Variants in TNFSF11 observed in about 807,000 individuals in gnomAD.
TNFSF11 encodes tumor necrosis factor ligand superfamily member 11.
Under a neutral mutation model 32.2 loss-of-function variants are expected in TNFSF11, and 12 were observed. The ratio of observed to expected loss-of-function variants is 0.37; its 90% CI spans 0.24 to 0.60. The LOEUF (loss-of-function observed/expected upper bound fraction) is 0.60, where lower values mean the gene tolerates loss of function less well. Ranked by LOEUF, TNFSF11 falls within the 20% of genes least tolerant of loss-of-function variation. The pLI, the probability that TNFSF11 is intolerant of heterozygous loss-of-function variation, is 0.66. For synonymous variants in TNFSF11, 172 were observed against 152.1 expected, an observed-to-expected ratio of 1.13 and a Z score of -0.96; for missense variants, 345 against 398.0, an observed-to-expected ratio of 0.87 and a Z score of 1.13.
In TNFSF11 at chr13:42,574,212, A is replaced by C. The variant is rs1873182794; in HGVS notation, c.-92A>C. 6.0e-6 allele frequency: 9 copies of C among 1,502,660 alleles called. No homozygotes were observed. In the Admixed American group the frequency reaches 1.8e-4, roughly 30 times the overall value. 93.1% of individuals were successfully genotyped at this position (1,502,660 alleles called of 1,614,324 possible). ...GGCTCCAAGTCGGCGCCCCACGTCG[A>C]GGCTCCGCCGCAGCCTCCGGAGTTG... On this transcript the variant is annotated 5_prime_UTR_variant, in exon 1 of 5. Coordinates refer to ENST00000398795, the MANE Select transcript of TNFSF11 (RefSeq NM_003701.4).
intron 4 of TNFSF11, among the ~76,000 whole-genome samples, chr13:42,604,091 G>A (rs1869321879): frequency 1.3e-5 from 2 of 152,070 alleles, no homozygotes; most frequent in South Asian, 2.1e-4. Context: ...TTGCTCTAAC[G>A]CCAGCTGATC....
intron 4 of TNFSF11, among the ~76,000 whole-genome samples, chr13:42,605,617 G>A (rs1869413392): frequency 1.3e-5 from 2 of 152,198 alleles, no homozygotes; most frequent in Admixed American, 1.3e-4. Context: ...TGAAGCTGTA[G>A]CAAGAGGACC....
chr13:42,571,749 G>A (rs915284881), upstream of TNFSF11: 1 of 152,182 alleles, frequency 6.6e-6, no homozygotes, highest in Admixed American at 6.5e-5. Flanking sequence ...GTATGGAAAT[G>A]ACATATACTT....
intron 4 of TNFSF11, among the ~76,000 whole-genome samples, chr13:42,605,018 C>T: frequency 6.6e-6 from 1 of 152,132 alleles, no homozygotes. Flanking sequence ...CTCCCGACCT[C>T]ATGATCCACC....
chr13:42,563,051 T>G (rs993275876), intron 1 of TNFSF11: 9 of 152,030 alleles, frequency 5.9e-5, no homozygotes, highest in Non-Finnish European at 1.2e-4. Context: ...AGTGGGAAAA[T>G]CTTTAAGAAA....
chr13:42,588,313 A>G (rs1873997311), intron 2 of TNFSF11, among the ~76,000 whole-genome samples: 1 of 152,214 alleles, frequency 6.6e-6, no homozygotes, highest in Admixed American at 6.5e-5. Flanking sequence ...GGTAGGAAGC[A>G]GGAGGGTTTG....
intron 2 of TNFSF11, among the ~76,000 whole-genome samples, chr13:42,588,890 G>C (rs548505257): frequency 6.6e-6 from 1 of 152,250 alleles, no homozygotes; most frequent in South Asian, 2.1e-4. Flanking sequence ...GTCAAGAGCT[G>C]TCTGTTTCTG....
At chr13:42,603,659 G>T (rs192644945) in intron 4 of TNFSF11, among the ~76,000 whole-genome samples, 199 of 152,150 alleles carry the variant, frequency 1.3e-3, no homozygotes, top group Non-Finnish European at 2.5e-3. Flanking sequence ...CCCTTCCTGA[G>T]CTGAGCTCTC....
At chr13:42,595,429 C>T (rs1274958921) in intron 2 of TNFSF11, among the ~76,000 whole-genome samples, 1 of 152,166 alleles carries the variant, frequency 6.6e-6, no homozygotes, top group South Asian at 2.1e-4. Flanking sequence ...ATGATCCTAG[C>T]GTGTAACAGA....
chr13:42,564,952 C>T (rs1268862897), intron 1 of TNFSF11, among the ~76,000 whole-genome samples: 2 of 152,196 alleles, frequency 1.3e-5, no homozygotes, highest in African/African-American at 4.8e-5. Context: ...TTTGCCAGTA[C>T]TCAACAAAAT....
intron 1 of TNFSF11, among the ~76,000 whole-genome samples, chr13:42,577,376 A>G (rs1422913633): frequency 1.3e-5 from 2 of 152,232 alleles, no homozygotes; most frequent in East Asian, 3.8e-4. Context: ...GCCTAGATGT[A>G]AAAAATACAT....
intron 2 of TNFSF11, among the ~76,000 whole-genome samples, chr13:42,588,238 A>G (rs1359425203): frequency 6.6e-6 from 1 of 152,242 alleles, no homozygotes; most frequent in African/African-American, 2.4e-5. Context: ...AAGGCCATCT[A>G]TTGGCTTTAG....
intron 1 of TNFSF11, among the ~76,000 whole-genome samples, chr13:42,579,657 C>T (rs923263228): frequency 1.4e-5 from 2 of 145,070 alleles, no homozygotes; most frequent in African/African-American, 5.1e-5. Context: ...ATATCAGTTG[C>T]CTGGACTTTT....
intron 1 of TNFSF11, among the ~76,000 whole-genome samples, chr13:42,563,353 T>TA (rs1181781393): frequency 6.6e-6 from 1 of 152,218 alleles, no homozygotes; most frequent in East Asian, 1.9e-4. Flanking sequence ...GAGGACTTTT[T>TA]ATCATTTAAG....
intron 2 of TNFSF11, among the ~76,000 whole-genome samples, chr13:42,590,586 G>A (rs1001402116): frequency 1.3e-5 from 2 of 152,176 alleles, no homozygotes; most frequent in Non-Finnish European, 2.9e-5. Flanking sequence ...AATGGAAGGT[G>A]GCATTATTTT....
chr13:42,588,872 C>T (rs766290975), intron 2 of TNFSF11, among the ~76,000 whole-genome samples: 6 of 151,996 alleles, frequency 3.9e-5, no homozygotes, highest in Admixed American at 2.6e-4. Context: ...AGGTGGGTCC[C>T]GGAAATTGTC....
At chr13:42,584,497 A>T (rs906666026) in intron 2 of TNFSF11, among the ~76,000 whole-genome samples, 1 of 152,170 alleles carries the variant, frequency 6.6e-6, no homozygotes, top group Non-Finnish European at 1.5e-5. Context: ...TCATCAGAAC[A>T]TTATCCCACT....
intron 4 of TNFSF11, among the ~76,000 whole-genome samples, chr13:42,604,421 G>C (rs1869341772): frequency 1.3e-5 from 2 of 152,228 alleles, no homozygotes. Flanking sequence ...GGTGAGCCCA[G>C]GAGGCAAGAG....
chr13:42,598,718 T>G (rs897636442), intron 2 of TNFSF11, among the ~76,000 whole-genome samples: 3 of 152,126 alleles, frequency 2.0e-5, no homozygotes, highest in African/African-American at 7.2e-5. Context: ...ACAGTTACAC[T>G]CACATTTGCA....
Sources: gnomAD v4.1 joint callset for allele counts (sites outside exome capture counted in the v4.1 genomes callset) on GRCh38, gnomAD v4.1.1 for gene constraint, MANE v1.5 for transcripts, NCBI Gene and HGNC (gene_info 2026-07-23, HGNC 2026-07-21) for gene names.